BAZ2B: variants seen among roughly 807,000 people sequenced by gnomAD.
The protein encoded by BAZ2B is bromodomain adjacent to zinc finger domain 2B.
BAZ2B carries 91 observed loss-of-function variants against 246.0 expected under a neutral mutation model. The ratio of observed to expected loss-of-function variants is 0.37; its 90% CI spans 0.31 to 0.44. BAZ2B has a LOEUF of 0.44. Among genes scored for constraint, BAZ2B ranks in the 20% least tolerant of loss-of-function variants. The probability of loss-of-function intolerance (pLI) is 1.00; values close to 1 mark genes in which losing one functional copy is unlikely to be tolerated. For synonymous variants in BAZ2B, 855 were observed against 860.0 expected, an observed-to-expected ratio of 0.99 and a Z score of 0.10; for missense variants, 2,332 against 2,533.7, an observed-to-expected ratio of 0.92 and a Z score of 1.71.
At chr2:159,385,101 G>T in intron 23 of BAZ2B, 54 bp downstream of exon 23, 2 of 1,514,874 alleles carry the variant, frequency 1.3e-6, no homozygotes, top group South Asian at 2.3e-5. Flanking sequence ...ATTACTTTTT[G>T]ATTAGAAAAA....
chr2:159,590,229 A>C (rs1286565001), intron 1 of BAZ2B, among the ~76,000 whole-genome samples: 3 of 110,018 alleles, frequency 2.7e-5, no homozygotes, highest in Non-Finnish European at 5.7e-5. Context: ...AAAAAAAAAA[A>C]AACAACCCAG....
intron 6 of BAZ2B, among the ~76,000 whole-genome samples, chr2:159,440,227 A>C (rs747327334): frequency 1.2e-4 from 19 of 152,356 alleles, no homozygotes; most frequent in Non-Finnish European, 2.6e-4. Flanking sequence ...GATTAAGTAC[A>C]ATCTAGGAAC....
chr2:159,554,660 A>G (rs2088826383), intron 2 of BAZ2B, among the ~76,000 whole-genome samples: 1 of 152,118 alleles, frequency 6.6e-6, no homozygotes, highest in Non-Finnish European at 1.5e-5. Context: ...TATACTTCTA[A>G]TAATTAATGC....
At chr2:159,665,788 G>A in the BAZ2B span, among the ~76,000 whole-genome samples, 6 of 152,200 alleles carry the variant, frequency 3.9e-5, no homozygotes, top group South Asian at 2.1e-4. Context: ...GGACATAGGC[G>A]TGTCAAACCA....
At chr2:159,473,904 G>T (rs1344755249) in intron 3 of BAZ2B, among the ~76,000 whole-genome samples, 1 of 152,186 alleles carries the variant, frequency 6.6e-6, no homozygotes, top group East Asian at 1.9e-4. Flanking sequence ...GTTCTAATTT[G>T]ATTGCACTGT....
At chr2:159,565,164 C>T (rs1427524846) in intron 1 of BAZ2B, among the ~76,000 whole-genome samples, 2 of 152,142 alleles carry the variant, frequency 1.3e-5, no homozygotes, top group Admixed American at 1.3e-4. Flanking sequence ...AGCCACCATG[C>T]CGGCCTCAAG....
intron 20 of BAZ2B, among the ~76,000 whole-genome samples, chr2:159,390,099 T>C (rs1226157995): frequency 6.6e-6 from 1 of 152,100 alleles, no homozygotes; most frequent in African/African-American, 2.4e-5. Context: ...TCGTTACTTT[T>C]TCATCATATC....
chr2:159,574,120 GACACAC>G (rs752237787), intron 1 of BAZ2B, among the ~76,000 whole-genome samples: 3 of 132,144 alleles, frequency 2.3e-5, no homozygotes, highest in East Asian at 2.2e-4. Context: ...GAGACTGACA[GACACAC>G]ACACACACAC....
chr2:159,473,775 G>T (rs1366895467), intron 3 of BAZ2B, among the ~76,000 whole-genome samples: 1 of 152,120 alleles, frequency 6.6e-6, no homozygotes, highest in Non-Finnish European at 1.5e-5. Flanking sequence ...TGTTCTCATT[G>T]GTTTCAAGGA....
the BAZ2B span, chr2:159,710,812 C>T: frequency 6.6e-6 from 1 of 152,128 alleles, no homozygotes; most frequent in South Asian, 2.1e-4. Context: ...GAGTAGTTAC[C>T]ACTGCCAGGT....
At chr2:159,341,555 C>T (rs982511204) in intron 31 of BAZ2B, among the ~76,000 whole-genome samples, 2 of 152,124 alleles carry the variant, frequency 1.3e-5, no homozygotes, top group African/African-American at 4.8e-5. Flanking sequence ...ATTTCATCCA[C>T]CAGCTGCAGA....
At chr2:159,457,031 A>G (rs1420505301) in intron 3 of BAZ2B, among the ~76,000 whole-genome samples, 2 of 152,204 alleles carry the variant, frequency 1.3e-5, no homozygotes, top group African/African-American at 4.8e-5. Context: ...GTAATGCTAT[A>G]TATATAATTT....
the BAZ2B span, among the ~76,000 whole-genome samples, chr2:159,630,609 C>T: frequency 6.6e-6 from 1 of 151,628 alleles, no homozygotes; most frequent in African/African-American, 2.4e-5. Flanking sequence ...TCTCGGCTCA[C>T]TGCAAGCTCC....
the BAZ2B span, among the ~76,000 whole-genome samples, chr2:159,626,134 CT>C: frequency 6.6e-6 from 1 of 151,994 alleles, no homozygotes; most frequent in Non-Finnish European, 1.5e-5. Flanking sequence ...GGTAACTATC[CT>C]AAATATATAT....
the BAZ2B span, among the ~76,000 whole-genome samples, chr2:159,680,233 T>C: frequency 1.4e-4 from 22 of 152,318 alleles, no homozygotes; most frequent in Admixed American, 1.1e-3. Flanking sequence ...GAAAAGAAGA[T>C]GAAGATTACA....
intron 1 of BAZ2B, among the ~76,000 whole-genome samples, chr2:159,562,646 T>A (rs954053474): frequency 6.6e-6 from 1 of 152,210 alleles, no homozygotes; most frequent in East Asian, 1.9e-4. Context: ...AGAAAAATTA[T>A]GTGTTGTTTT....
At chr2:159,400,355 A>G (rs2064789018) in intron 17 of BAZ2B, among the ~76,000 whole-genome samples, 1 of 152,180 alleles carries the variant, frequency 6.6e-6, no homozygotes, top group Admixed American at 6.5e-5. Context: ...GAACTTTATG[A>G]CAACTCCACT....
At chr2:159,472,744 G>T (rs1456394540) in intron 3 of BAZ2B, among the ~76,000 whole-genome samples, 1 of 152,094 alleles carries the variant, frequency 6.6e-6, no homozygotes, top group East Asian at 1.9e-4. Flanking sequence ...TGAAATAATC[G>T]TGTGGATTTT....
the BAZ2B span, among the ~76,000 whole-genome samples, chr2:159,698,486 A>G: frequency 1.3e-5 from 2 of 149,732 alleles, no homozygotes; most frequent in Admixed American, 6.7e-5. Context: ...CCTAGGCAAC[A>G]GAGCAAGACC....
Sources: allele counts gnomAD v4.1 joint callset (sites outside exome capture counted in the v4.1 genomes callset), GRCh38; gene constraint gnomAD v4.1.1; transcripts MANE v1.5; gene names NCBI Gene and HGNC (gene_info 2026-07-23, HGNC 2026-07-21).